Variants in RALYL observed in about 807,000 individuals in gnomAD.
RALYL encodes the protein RALY RNA binding protein like, also known as RNA-binding Raly-like protein.
RALYL carries 29 observed loss-of-function variants against 35.1 expected under a neutral mutation model. The ratio of observed to expected loss-of-function variants is 0.83; its 90% confidence interval spans 0.61 to 1.13. The LOEUF (loss-of-function observed/expected upper bound fraction) is 1.13, where lower values mean the gene tolerates loss of function less well. RALYL is among the 50% of genes most tolerant of loss of function. The probability of loss-of-function intolerance (pLI) is 0.00; values close to 1 mark genes in which losing one functional copy is unlikely to be tolerated. For synonymous variants in RALYL, 120 were observed against 127.6 expected (o/e 0.94, Z 0.40); for missense variants, 359 against 360.4 (o/e 1.00, Z 0.03).
intron 2 of RALYL, among the ~76,000 whole-genome samples, chr8:84,754,168 C>A (rs572569811): frequency 6.6e-6 from 1 of 151,912 alleles, no homozygotes; most frequent in Non-Finnish European, 1.5e-5. Context: ...TCAATTTTGC[C>A]TTTTGTTGCC....
At chr8:84,546,788 A>T (rs1446252274) in intron 2 of RALYL, among the ~76,000 whole-genome samples, 1 of 152,096 alleles carries the variant, frequency 6.6e-6, no homozygotes, top group African/African-American at 2.4e-5. Context: ...AAGTGTATCT[A>T]GGGATTTTAG....
At chr8:84,290,284 G>C (rs1487210455) in intron 1 of RALYL, among the ~76,000 whole-genome samples, 1 of 152,084 alleles carries the variant, frequency 6.6e-6, no homozygotes, top group Non-Finnish European at 1.5e-5. Context: ...GTGGCACTTT[G>C]ATAGTCACCT....
chr8:84,723,943 A>G (rs185665428), intron 2 of RALYL, among the ~76,000 whole-genome samples: 5 of 151,916 alleles, frequency 3.3e-5, no homozygotes, highest in Admixed American at 3.3e-4. Context: ...AACTATAATC[A>G]TTAAGAGTAG....
intron 1 of RALYL, among the ~76,000 whole-genome samples, chr8:84,287,591 G>A (rs1388593885): frequency 6.6e-6 from 1 of 151,664 alleles, no homozygotes; most frequent in Non-Finnish European, 1.5e-5. Context: ...TGGTCTGGAA[G>A]TGGCAAACAG....
At chr8:84,476,125 G>A (rs1019076915) in intron 1 of RALYL, among the ~76,000 whole-genome samples, 4 of 152,104 alleles carry the variant, frequency 2.6e-5, no homozygotes, top group Non-Finnish European at 4.4e-5. Context: ...CATTTCATAA[G>A]GAAAATTGCC....
At chr8:84,795,652 G>C (rs1821737590) in intron 3 of RALYL, among the ~76,000 whole-genome samples, 1 of 152,156 alleles carries the variant, frequency 6.6e-6, no homozygotes, top group South Asian at 2.1e-4. Context: ...ATTAGCACAA[G>C]TTGGTAAATA....
chr8:84,394,698 G>T (rs1861411625), intron 1 of RALYL, among the ~76,000 whole-genome samples: 1 of 151,846 alleles, frequency 6.6e-6, no homozygotes, highest in African/African-American at 2.4e-5. Context: ...ATAAACCCAT[G>T]ATTGTTTTTA....
intron 1 of RALYL, among the ~76,000 whole-genome samples, chr8:84,304,922 G>A (rs1841504499): frequency 6.6e-6 from 1 of 152,040 alleles, no homozygotes; most frequent in South Asian, 2.1e-4. Context: ...TCTGATCTTG[G>A]AATTTTTACA....
At chr8:84,703,417 C>G (rs1840572487) in intron 2 of RALYL, among the ~76,000 whole-genome samples, 2 of 152,040 alleles carry the variant, frequency 1.3e-5, no homozygotes, top group Admixed American at 6.6e-5. Flanking sequence ...ACAAGTCTGG[C>G]TGTTTGTTTT....
At chr8:84,316,326 A>G (rs1217953439) in intron 1 of RALYL, among the ~76,000 whole-genome samples, 1 of 152,140 alleles carries the variant, frequency 6.6e-6, no homozygotes, top group Non-Finnish European at 1.5e-5. Flanking sequence ...ACAACCTTTC[A>G]TATATTCTAA....
chr8:84,446,462 C>T (rs563753261), intron 1 of RALYL, among the ~76,000 whole-genome samples: 29 of 152,008 alleles, frequency 1.9e-4, no homozygotes, highest in African/African-American at 4.3e-4. Context: ...TTCAATAGTA[C>T]GCTGTTAATT....
At chr8:84,621,995 G>T (rs999836546) in intron 2 of RALYL, among the ~76,000 whole-genome samples, 2 of 152,130 alleles carry the variant, frequency 1.3e-5, no homozygotes, top group Admixed American at 1.3e-4. Flanking sequence ...TAATTATGAA[G>T]TTACATCTGC....
intron 2 of RALYL, among the ~76,000 whole-genome samples, chr8:84,535,769 G>A (rs996260609): frequency 4.0e-5 from 6 of 151,764 alleles, no homozygotes; most frequent in South Asian, 2.1e-4. Context: ...CACCGCGCCC[G>A]GCCGCATCCC....
chr8:84,754,544 C>G lies in RALYL; in HGVS notation c.257-20035C>G, dbSNP rs535822287. Among the ~76,000 whole-genome samples the G allele has an allele frequency of 4.6e-5, 7 of 152,308 alleles. No individual in the cohort carries two copies. In the East Asian group the frequency reaches 1.4e-3, roughly 29 times the overall value. ...TAAATGCAATGGTGGAACTGACTAT[C>G]AGTCTTTCTTTCATGTTGAAATCCT... On this transcript the variant is annotated intron_variant, in intron 2 of 8. Transcript: ENST00000521268.
intron 8 of RALYL, among the ~76,000 whole-genome samples, chr8:84,913,053 T>TAGAC (rs1465323700): frequency 1.3e-5 from 2 of 150,986 alleles, no homozygotes; most frequent in Non-Finnish European, 3.0e-5. Flanking sequence ...GATAGATAGA[T>TAGAC]AGATAGATAG....
At chr8:84,311,988 T>C (rs900725534) in intron 1 of RALYL, among the ~76,000 whole-genome samples, 1 of 152,206 alleles carries the variant, frequency 6.6e-6, no homozygotes, top group Non-Finnish European at 1.5e-5. Context: ...GTAAACATAC[T>C]ACCTGATAAT....
intron 1 of RALYL, among the ~76,000 whole-genome samples, chr8:84,511,794 T>C (rs1451935940): frequency 6.6e-6 from 1 of 152,148 alleles, no homozygotes; most frequent in Non-Finnish European, 1.5e-5. Context: ...GAACATCCAA[T>C]ATTTGTCTTT....
chr8:84,425,484 A>T (rs907098139), intron 1 of RALYL, among the ~76,000 whole-genome samples: 1 of 152,066 alleles, frequency 6.6e-6, no homozygotes, highest in African/African-American at 2.4e-5. Context: ...AGTACCTCAG[A>T]TGGAAATGCA....
At chr8:84,258,117 A>C (rs1219827359) in intron 1 of RALYL, among the ~76,000 whole-genome samples, 3 of 152,164 alleles carry the variant, frequency 2.0e-5, no homozygotes, top group African/African-American at 7.2e-5. Flanking sequence ...CGAAGTAGCC[A>C]CATGTACGTA....
Sources: gnomAD v4.1 joint callset for allele counts (sites outside exome capture counted in the v4.1 genomes callset) on GRCh38, gnomAD v4.1.1 for gene constraint, MANE v1.5 for transcripts, NCBI Gene and HGNC (gene_info 2026-07-23, HGNC 2026-07-21) for gene names.